Variants in STXBP5L observed in about 807,000 individuals in gnomAD.
The protein encoded by STXBP5L is syntaxin binding protein 5L, also known as syntaxin-binding protein 5-like.
Under a neutral mutation model 144.5 loss-of-function variants are expected in STXBP5L, and 65 were observed. The observed-to-expected ratio is 0.45, with a 90% CI of 0.37 to 0.55. STXBP5L has a LOEUF of 0.55. STXBP5L is among the 20% of genes least tolerant of loss of function. The probability of loss-of-function intolerance (pLI) is 0.00; values close to 1 mark genes in which losing one functional copy is unlikely to be tolerated. For synonymous variants in STXBP5L, 505 were observed against 469.6 expected (o/e 1.08, Z -0.97); for missense variants, 1,298 against 1,405.5 (o/e 0.92, Z 1.22).
intron 11 of STXBP5L, among the ~76,000 whole-genome samples, chr3:121,229,395 C>A (rs1211904621): frequency 6.6e-6 from 1 of 151,954 alleles, no homozygotes; most frequent in Non-Finnish European, 1.5e-5. Flanking sequence ...ATTAAACACA[C>A]CTTACTTTGG....
chr3:121,238,999 A>G lies in STXBP5L; in HGVS notation c.1213A>G (p.Met405Val). The G allele has an allele frequency of 1.2e-6, 2 of 1,607,342 alleles. No homozygotes were observed. Among genetic ancestry groups the G allele is most frequent in the Non-Finnish European group, 1.7e-6 (2 of 1,176,902 alleles). Residue 405 changes from methionine (M) to valine (V), a missense_variant, in exon 13 of 27, where the codon ATG (methionine) becomes GTG (valine). Coordinates refer to ENST00000471454, the MANE Select transcript of STXBP5L (RefSeq NM_001308330.2). ...TCCAATCTTTGAAAATCCATATCCC[A>G]TGGACATTCATGAATCACCAGTTAC... ...NFPIFENPYP[M>V]DIHESPVTCT...
rs1319139168 is a variant in STXBP5L at position 121,381,531 on chromosome 3, T to C, written c.2586T>C (p.Ser862=). ...RFTEPVMVLP[S]GTFLSLKGAV... ...CAGAGCCAGTCATGGTATTGCCAAG[T>C]GGTAAGAGTTTGTATTCATTCATTC... Residue 862 remains serine, a splice_region_variant and synonymous_variant, in exon 22 of 27, where the codon AGT becomes AGC. Transcript: ENST00000471454. The C allele has an allele frequency of 6.3e-7, 1 of 1,590,930 alleles. No individual in the cohort carries two copies. Among genetic ancestry groups the C allele is most frequent in the Non-Finnish European group, 8.5e-7 (1 of 1,173,544 alleles).
chr3:121,126,189 G>A (rs770373209), intron 7 of STXBP5L, among the ~76,000 whole-genome samples: 4 of 152,106 alleles, frequency 2.6e-5, no homozygotes, highest in Admixed American at 6.6e-5. Context: ...CTCGATAAGG[G>A]ACTGAAAAAT....
chr3:121,357,119 A>C (rs2045543586), intron 20 of STXBP5L: 1 of 163,888 alleles, frequency 6.1e-6, no homozygotes. Flanking sequence ...GCCAATAGCA[A>C]AACCTCATAA....
At chr3:120,958,839 T>C (rs1227383782) in intron 3 of STXBP5L, among the ~76,000 whole-genome samples, 1 of 152,170 alleles carries the variant, frequency 6.6e-6, no homozygotes, top group African/African-American at 2.4e-5. Context: ...CTTTGAAAAC[T>C]GGCACAAGAC....
At chr3:120,998,352 G>A (rs910478748) in intron 3 of STXBP5L, among the ~76,000 whole-genome samples, 2 of 151,962 alleles carry the variant, frequency 1.3e-5, no homozygotes, top group Non-Finnish European at 2.9e-5. Context: ...GTGCCCCAAA[G>A]GTCCTTGATC....
chr3:120,984,632 C>CTTTTTTTTTTTTTTTTTT lies in STXBP5L; in HGVS notation c.287+29600_287+29617dup, dbSNP rs35656223. ...TGGATGCCTTTCATTTCTTTCTTTC[C>CTTTTTTTTTTTTTTTTTT]TTTTTTTTTTTTTTTTTTTTTTGCC... On this transcript the variant is annotated intron_variant, in intron 3 of 26. Transcript: ENST00000471454. Among the ~76,000 whole-genome samples the CTTTTTTTTTTTTTTTTTT allele has an allele frequency of 1.7e-3, 122 of 71,964 alleles. 4 individuals are homozygous for CTTTTTTTTTTTTTTTTTT. The highest frequency in any genetic ancestry group is 6.8e-3 in the African/African-American group (110 of 16,286). 47.2% of individuals were successfully genotyped at this position (71,964 alleles called of 152,430 possible).
chr3:121,002,228 T>G (rs1943840133), intron 3 of STXBP5L, among the ~76,000 whole-genome samples: 1 of 152,172 alleles, frequency 6.6e-6, no homozygotes, highest in Non-Finnish European at 1.5e-5. Flanking sequence ...CTTTCTTCTC[T>G]TTGATAATAG....
chr3:121,354,976 T>G (rs2045449066), intron 20 of STXBP5L, among the ~76,000 whole-genome samples: 1 of 152,178 alleles, frequency 6.6e-6, no homozygotes, highest in African/African-American at 2.4e-5. Flanking sequence ...GATATGAAAT[T>G]CTGGGTTGAA....
intron 20 of STXBP5L, among the ~76,000 whole-genome samples, chr3:121,370,980 C>T (rs748038803): frequency 2.0e-5 from 3 of 152,174 alleles, no homozygotes; most frequent in African/African-American, 4.8e-5. Context: ...ATCTTCATTC[C>T]TATCCATATT....
At chr3:120,938,683 A>C (rs1710396520) in intron 2 of STXBP5L, among the ~76,000 whole-genome samples, 1 of 152,224 alleles carries the variant, frequency 6.6e-6, no homozygotes, top group African/African-American at 2.4e-5. Flanking sequence ...AGATGGGATC[A>C]AACTACTGAA....
chr3:121,036,345 A>G (rs1946751299), intron 3 of STXBP5L, among the ~76,000 whole-genome samples: 1 of 152,004 alleles, frequency 6.6e-6, no homozygotes, highest in African/African-American at 2.4e-5. Context: ...AAAAAAATTG[A>G]TTTTGCATTC....
chr3:121,385,988 T>C (rs1378899618), intron 22 of STXBP5L, among the ~76,000 whole-genome samples: 3 of 152,186 alleles, frequency 2.0e-5, no homozygotes, highest in Non-Finnish European at 4.4e-5. Flanking sequence ...GTCTAAACCT[T>C]GATGAAAAAC....
chr3:121,290,891 A>T (rs1038497776), intron 19 of STXBP5L, among the ~76,000 whole-genome samples: 4 of 152,146 alleles, frequency 2.6e-5, no homozygotes, highest in Non-Finnish European at 5.9e-5. Context: ...GCATAGAAGG[A>T]AAACAACTAA....
At position 121,041,707 on chromosome 3, in the gene STXBP5L, A is replaced by T; in HGVS notation, c.295A>T (p.Arg99Ter). The T allele has an allele frequency of 6.2e-7, 1 of 1,611,880 alleles. No homozygotes were observed. Among genetic ancestry groups the T allele is most frequent in the Non-Finnish European group, 8.5e-7 (1 of 1,178,392 alleles). Residue 99 changes from arginine to a stop codon, truncating the protein, a stop_gained, in exon 4 of 27, where the codon AGA (arginine) becomes TGA (stop). Transcript: ENST00000471454. LOFTEE classifies it high-confidence loss of function. ...TGACTTTTATTATATTAGACTCGGG[A>T]GACCTGGTGTTGATTGCTATTGCCA... ...TRTGAIRILG[R>*]PGVDCYCQHE... is the part of the protein sequence containing the mutation.
intron 3 of STXBP5L, among the ~76,000 whole-genome samples, chr3:121,035,524 T>C (rs1047275721): frequency 6.6e-6 from 1 of 151,860 alleles, no homozygotes; most frequent in Non-Finnish European, 1.5e-5. Context: ...GGTGTAGATA[T>C]GTGGCTTTAT....
intron 9 of STXBP5L, among the ~76,000 whole-genome samples, chr3:121,170,654 T>C (rs1431372709): frequency 6.6e-6 from 1 of 152,056 alleles, no homozygotes; most frequent in East Asian, 1.9e-4. Flanking sequence ...AGAAGTCCAA[T>C]CCCTGAACAG....
chr3:121,335,858 G>A (rs900795116), intron 20 of STXBP5L, among the ~76,000 whole-genome samples: 13 of 152,178 alleles, frequency 8.5e-5, no homozygotes, highest in Admixed American at 2.0e-4. Context: ...CATAGAAACC[G>A]GCAAAGATTT....
intron 2 of STXBP5L, among the ~76,000 whole-genome samples, chr3:120,954,734 A>G (rs898959687): frequency 6.6e-6 from 1 of 152,034 alleles, no homozygotes; most frequent in South Asian, 2.1e-4. Context: ...AAACTGCAAG[A>G]TATTTTAAAA....
Sources: allele counts gnomAD v4.1 joint callset (sites outside exome capture counted in the v4.1 genomes callset), GRCh38; gene constraint gnomAD v4.1.1; transcripts MANE v1.5; gene names NCBI Gene and HGNC (gene_info 2026-07-23, HGNC 2026-07-21).